Variants in RPIA observed in about 807,000 individuals in gnomAD.
RPIA encodes ribose-5-phosphate isomerase.
A neutral mutation model predicts 37.8 loss-of-function variants in RPIA; 29 were observed. That is an observed-to-expected ratio of 0.77 (90% CI 0.57 to 1.05). The LOEUF is 1.05. Ranked by LOEUF, RPIA falls within the 50% of genes least tolerant of loss-of-function variation. The pLI is 0.00. For synonymous variants in RPIA, 167 were observed against 157.0 expected (o/e 1.06, Z -0.48); for missense variants, 385 against 413.6 (o/e 0.93, Z 0.60).
At position 88,739,719 on chromosome 2, in the gene RPIA, A is replaced by G. The variant is rs75096233; in HGVS notation, c.838+1643A>G. 1.8e-3 allele frequency among the ~76,000 whole-genome samples: 274 copies of G among 152,242 alleles called. 2 individuals are homozygous for G. Among genetic ancestry groups the G allele is most frequent in the African/African-American group, 6.5e-3 (270 of 41,530 alleles). Reference sequence around the variant, plus strand: ...TGCAGCATTGACCTCCTGGGCTTAAACAGTTCTCCCATTTCAGCGTCCCCA... The same window carrying G: ...TGCAGCATTGACCTCCTGGGCTTAAGCAGTTCTCCCATTTCAGCGTCCCCA... On this transcript the variant is annotated intron_variant, in intron 8 of 8. Coordinates refer to ENST00000283646, the MANE Select transcript of RPIA (RefSeq NM_144563.3).
At chr2:88,727,540 C>T (rs1673214413) in intron 3 of RPIA, among the ~76,000 whole-genome samples, 1 of 152,170 alleles carries the variant, frequency 6.6e-6, no homozygotes, top group African/African-American at 2.4e-5. Flanking sequence ...CTGATCGTCT[C>T]CTTCCTCCCA....
At chr2:88,713,121 T>TATATATATATGTA (rs58120689) in intron 3 of RPIA, among the ~76,000 whole-genome samples, 1 of 56,302 alleles carries the variant, frequency 1.8e-5, no homozygotes, top group African/African-American at 8.0e-5. Flanking sequence ...TATATATATA[T>TATATATATATGTA]TTTTTTTTTT....
Position 88,738,013 on chromosome 2 carries a change from G to T in RPIA, c.775G>T (p.Asp259Tyr). The T allele has an allele frequency of 1.9e-6, 3 of 1,613,982 alleles. No homozygotes were observed. Among genetic ancestry groups the T allele is most frequent in the Non-Finnish European group, 2.5e-6 (3 of 1,179,922 alleles). Residue 259 changes from aspartate (D) to tyrosine (Y), a missense_variant, in exon 8 of 9, where the codon GAC becomes TAC. Asp to Tyr is a radical substitution (Grantham distance 160). Coordinates refer to ENST00000283646, the MANE Select transcript of RPIA (RefSeq NM_144563.3). ...GACAGATAATGGGAATTTTATCTTG[G>T]ACTGGAAGTTTGACCGGGTACACAA... The part of the protein sequence containing the change: ...VVTDNGNFIL[D>Y]WKFDRVHKWS...
chr2:88,726,919 A>G (rs1053397991), intron 3 of RPIA, among the ~76,000 whole-genome samples: 1 of 152,050 alleles, frequency 6.6e-6, no homozygotes, highest in Non-Finnish European at 1.5e-5. Context: ...TTGTATTTTT[A>G]GTAGAGATGG....
At chr2:88,714,159 G>GTT (rs10701572) in intron 3 of RPIA, among the ~76,000 whole-genome samples, 161 of 149,724 alleles carry the variant, frequency 1.1e-3, no homozygotes, top group Non-Finnish European at 1.3e-3. Context: ...CTCATTTTTT[G>GTT]TTTTTTTGTT....
At chr2:88,743,664 T>C (rs913731397) in intron 8 of RPIA, among the ~76,000 whole-genome samples, 1 of 152,200 alleles carries the variant, frequency 6.6e-6, no homozygotes, top group Non-Finnish European at 1.5e-5. Context: ...CATTTGGTTC[T>C]GGACTTTTTT....
At chr2:88,742,692 T>C (rs1673397326) in intron 8 of RPIA, among the ~76,000 whole-genome samples, 1 of 152,188 alleles carries the variant, frequency 6.6e-6, no homozygotes, top group Non-Finnish European at 1.5e-5. Context: ...ATGGGATGTG[T>C]CCCATTTGTG....
chr2:88,749,788 G>T (rs576067466), intron 8 of RPIA, among the ~76,000 whole-genome samples, 193 bp from the exon 9 acceptor site: 3 of 152,294 alleles, frequency 2.0e-5, no homozygotes, highest in African/African-American at 7.2e-5. Flanking sequence ...AAGTGGGAGG[G>T]GAGAAAGAGG....
At chr2:88,699,667 C>T (rs1174549456) in intron 2 of RPIA, among the ~76,000 whole-genome samples, 1 of 152,188 alleles carries the variant, frequency 6.6e-6, no homozygotes, top group African/African-American at 2.4e-5. Flanking sequence ...GTTGCCTTAT[C>T]TGCAAAATGC....
chr2:88,708,187 A>G (rs1323722604), intron 3 of RPIA, among the ~76,000 whole-genome samples: 2 of 152,244 alleles, frequency 1.3e-5, no homozygotes, highest in Admixed American at 6.5e-5. Flanking sequence ...AATGTTGTCT[A>G]TCAGGTCTTG....
chr2:88,729,608 G>A (rs1002736065), intron 4 of RPIA, among the ~76,000 whole-genome samples: 6 of 152,186 alleles, frequency 3.9e-5, no homozygotes, highest in Admixed American at 1.3e-4. Flanking sequence ...TATATCCAGG[G>A]CTTCCTGAGG....
chr2:88,711,201 G>C (rs1485660773), intron 3 of RPIA, among the ~76,000 whole-genome samples: 1 of 152,222 alleles, frequency 6.6e-6, no homozygotes, highest in Non-Finnish European at 1.5e-5. Flanking sequence ...GAATGTAAAG[G>C]ATTGGTGCAG....
At chr2:88,712,286 G>C (rs1252820694) in intron 3 of RPIA, among the ~76,000 whole-genome samples, 2 of 152,212 alleles carry the variant, frequency 1.3e-5, no homozygotes, top group Admixed American at 1.3e-4. Flanking sequence ...TAGGCAAGAA[G>C]GTTACAATCA....
chr2:88,692,472 G>A (rs891104384), intron 1 of RPIA, among the ~76,000 whole-genome samples: 1 of 152,180 alleles, frequency 6.6e-6, no homozygotes, highest in South Asian at 2.1e-4. Flanking sequence ...TACTCTTGGA[G>A]GGAAGGGAAG....
chr2:88,733,267 A>C (rs1055629838), intron 4 of RPIA, among the ~76,000 whole-genome samples: 1 of 152,182 alleles, frequency 6.6e-6, no homozygotes, highest in Non-Finnish European at 1.5e-5. Flanking sequence ...GCGTTGGTGC[A>C]TAGTGGGGAG....
chr2:88,744,522 GTA>G (rs1341882164), intron 8 of RPIA, among the ~76,000 whole-genome samples: 1 of 152,226 alleles, frequency 6.6e-6, no homozygotes. Context: ...TTGCTCCAGA[GTA>G]TAGTTTAATT....
chr2:88,722,504 A>G (rs1228864391), intron 3 of RPIA, among the ~76,000 whole-genome samples: 1 of 152,242 alleles, frequency 6.6e-6, no homozygotes, highest in Non-Finnish European at 1.5e-5. Context: ...ATTCGGAGAC[A>G]GTGAAGAAGA....
chr2:88,720,889 C>T (rs1673112748), intron 3 of RPIA, among the ~76,000 whole-genome samples: 1 of 152,150 alleles, frequency 6.6e-6, no homozygotes, highest in Admixed American at 6.5e-5. Flanking sequence ...GATTATAAAT[C>T]ACTGTACTAT....
rs1673493009 is a variant in RPIA at position 88,750,529 on chromosome 2, T to A, written c.*451T>A. 1 of 419,140 alleles carries A rather than the reference T, an allele frequency of 2.4e-6. No homozygotes were observed. The highest frequency in any genetic ancestry group is 4.2e-6 in the Non-Finnish European group (1 of 237,844). The allele number at this position is 419,140 out of a possible 1,614,324, so 26.0% of individuals were successfully genotyped here. On this transcript the variant is annotated 3_prime_UTR_variant, in exon 9 of 9. Transcript: ENST00000283646. ...TGCCTTACTGGAAACTTTGTTTACT[T>A]GTCTGCTACCCTCTGATTTGTTTTT...
Sources: allele counts gnomAD v4.1 joint callset (sites outside exome capture counted in the v4.1 genomes callset), GRCh38; gene constraint gnomAD v4.1.1; transcripts MANE v1.5; gene names NCBI Gene and HGNC (gene_info 2026-07-23, HGNC 2026-07-21).